Variants in ST8SIA6 observed in about 807,000 individuals in gnomAD.
ST8SIA6 encodes ST8 alpha-N-acetyl-neuraminide alpha-2,8-sialyltransferase 6, also known as alpha-2,8-sialyltransferase 8F.
Under a neutral mutation model 33.6 loss-of-function variants are expected in ST8SIA6, and 39 were observed. That is an observed-to-expected ratio of 1.16 (90% CI 0.90 to 1.52). The LOEUF (loss-of-function observed/expected upper bound fraction) is 1.52, where lower values mean the gene tolerates loss of function less well. Among genes scored for constraint, ST8SIA6 ranks in the 40% most tolerant of loss-of-function variants. The probability of loss-of-function intolerance (pLI) is 0.00; values close to 1 mark genes in which losing one functional copy is unlikely to be tolerated. For missense variants in ST8SIA6, 441 were observed against 443.8 expected (o/e 0.99, Z 0.06); for synonymous variants, 172 against 167.2 (o/e 1.03, Z -0.22).
intron 5 of ST8SIA6, among the ~76,000 whole-genome samples, chr10:17,328,497 T>C (rs1348978505): frequency 1.3e-5 from 2 of 152,234 alleles, no homozygotes; most frequent in Non-Finnish European, 2.9e-5. Context: ...GAAGTAATAA[T>C]GTGACCTTGA....
chr10:17,377,046 A>G (rs750372966), intron 3 of ST8SIA6, among the ~76,000 whole-genome samples: 6 of 152,300 alleles, frequency 3.9e-5, no homozygotes, highest in Middle Eastern at 3.4e-3. Context: ...CAACTGAAGA[A>G]CCACAAAAGA....
At chr10:17,357,845 C>G (rs574848811) in intron 4 of ST8SIA6, among the ~76,000 whole-genome samples, 2 of 152,164 alleles carry the variant, frequency 1.3e-5, no homozygotes, top group Non-Finnish European at 2.9e-5. Flanking sequence ...GATTGATCCT[C>G]AATAGCTCAC....
intron 6 of ST8SIA6, among the ~76,000 whole-genome samples, chr10:17,326,018 TA>T (rs1848118919): frequency 6.6e-6 from 1 of 152,218 alleles, no homozygotes; most frequent in African/African-American, 2.4e-5. Flanking sequence ...TCACACTGGA[TA>T]CTTGAACAAA....
intron 4 of ST8SIA6, among the ~76,000 whole-genome samples, chr10:17,357,382 T>A (rs1409219550): frequency 6.6e-6 from 1 of 151,778 alleles, no homozygotes; most frequent in Non-Finnish European, 1.5e-5. Flanking sequence ...GTGATCCACC[T>A]GCCTCAGCCT....
intron 5 of ST8SIA6, among the ~76,000 whole-genome samples, chr10:17,329,125 G>A (rs947125015): frequency 6.6e-6 from 1 of 152,112 alleles, no homozygotes; most frequent in Admixed American, 6.6e-5. Flanking sequence ...AAAGAAACTC[G>A]GTTTCAGTAC....
chr10:17,353,326 C>T (rs1849092342), intron 4 of ST8SIA6, among the ~76,000 whole-genome samples: 1 of 152,144 alleles, frequency 6.6e-6, no homozygotes, highest in African/African-American at 2.4e-5. Context: ...ATTTGATTAA[C>T]TTATCCCATC....
chr10:17,363,656 C>A (rs1033348399), intron 3 of ST8SIA6, among the ~76,000 whole-genome samples: 1 of 152,138 alleles, frequency 6.6e-6, no homozygotes, highest in Non-Finnish European at 1.5e-5. Context: ...GAGCTGACCG[C>A]TAAGCTTTCA....
At chr10:17,368,409 A>G (rs1284830831) in intron 3 of ST8SIA6, among the ~76,000 whole-genome samples, 11 of 91,276 alleles carry the variant, frequency 1.2e-4, no homozygotes, top group Non-Finnish European at 2.1e-4. Context: ...CTCTGTCTCA[A>G]AAAAAAAAAA....
chr10:17,423,994 A>G (rs1378940242), intron 2 of ST8SIA6, among the ~76,000 whole-genome samples: 1 of 152,064 alleles, frequency 6.6e-6, no homozygotes, highest in Admixed American at 6.5e-5. Flanking sequence ...CTGTCCAGCT[A>G]TGGTCATGCT....
At chr10:17,334,551 AATT>A (rs139518760) in intron 4 of ST8SIA6, among the ~76,000 whole-genome samples, 3 of 142,772 alleles carry the variant, frequency 2.1e-5, no homozygotes, top group Non-Finnish European at 4.6e-5. Flanking sequence ...AAAAAAAAAA[AATT>A]ATTATTATTA....
At chr10:17,451,586 TA>T in intron 2 of ST8SIA6, among the ~76,000 whole-genome samples, 1 of 152,268 alleles carries the variant, frequency 6.6e-6, no homozygotes, top group South Asian at 2.1e-4. Flanking sequence ...ATTTTTAAAT[TA>T]AAAATGTCAA....
At chr10:17,358,202 C>G (rs1849259371) in intron 4 of ST8SIA6, among the ~76,000 whole-genome samples, 1 of 152,118 alleles carries the variant, frequency 6.6e-6, no homozygotes, top group Non-Finnish European at 1.5e-5. Context: ...TTTGACACCA[C>G]CAGGAAGGCA....
intron 4 of ST8SIA6, among the ~76,000 whole-genome samples, chr10:17,340,260 CT>C (rs1396846657): frequency 6.6e-6 from 1 of 152,186 alleles, no homozygotes; most frequent in Non-Finnish European, 1.5e-5. Context: ...ATCTGTTCCC[CT>C]GGTCACCTGC....
At chr10:17,340,396 G>C (rs1848636497) in intron 4 of ST8SIA6, among the ~76,000 whole-genome samples, 1 of 151,868 alleles carries the variant, frequency 6.6e-6, no homozygotes, top group Non-Finnish European at 1.5e-5. Context: ...TTCCGTAACT[G>C]TCTTTCCTGC....
At chr10:17,386,987 GTCTTTCACCTCCC>G (rs1303028922) in intron 3 of ST8SIA6, 1 of 152,254 alleles carries the variant, frequency 6.6e-6, no homozygotes, top group African/African-American at 2.4e-5. Context: ...CCTGGGGATG[GTCTTTCACCTCCC>G]TCTTTCTGAT....
At position 17,383,631 on chromosome 10, in the gene ST8SIA6, TTA is replaced by T. The variant is rs368204696; in HGVS notation, c.290+6898_290+6899del. On this transcript the variant is annotated intron_variant, in intron 3 of 7. Transcript: ENST00000377602. Reference sequence around the variant, plus strand: ...TTTTGTTCCTCTTTAGAGGGTGGTTTTATAATCAGCTATAAAACTTCAACAGG... The same window carrying T: ...TTTTGTTCCTCTTTAGAGGGTGGTTTTAATCAGCTATAAAACTTCAACAGG... 1.6e-4 allele frequency among the ~76,000 whole-genome samples: 25 copies of T among 152,334 alleles called. No individual in the cohort carries two copies. In the East Asian group the frequency reaches 4.8e-3, roughly 29 times the overall value.
chr10:17,434,564 T>C (rs1852194245), intron 2 of ST8SIA6, among the ~76,000 whole-genome samples: 1 of 152,176 alleles, frequency 6.6e-6, no homozygotes, highest in Non-Finnish European at 1.5e-5. Flanking sequence ...ATAGAATCTT[T>C]GGATATAAAT....
At chr10:17,445,078 G>A (rs1390286800) in intron 2 of ST8SIA6, among the ~76,000 whole-genome samples, 1 of 152,086 alleles carries the variant, frequency 6.6e-6, no homozygotes, top group Admixed American at 6.5e-5. Flanking sequence ...AGGTGGAAAG[G>A]AAAGTGGTAA....
chr10:17,347,002 G>T (rs1373200018), intron 4 of ST8SIA6, among the ~76,000 whole-genome samples: 2 of 152,200 alleles, frequency 1.3e-5, no homozygotes, highest in African/African-American at 4.8e-5. Context: ...CAATCTTGAA[G>T]CAGAAATACC....
Sources: gnomAD v4.1 joint callset for allele counts (sites outside exome capture counted in the v4.1 genomes callset) on GRCh38, gnomAD v4.1.1 for gene constraint, MANE v1.5 for transcripts, NCBI Gene and HGNC (gene_info 2026-07-23, HGNC 2026-07-21) for gene names.